Variants in ITGB3BP observed in about 807,000 individuals in gnomAD.
ITGB3BP encodes integrin subunit beta 3 binding protein.
A neutral mutation model predicts 29.1 loss-of-function variants in ITGB3BP; 27 were observed. That is an observed-to-expected ratio of 0.93 (90% CI 0.68 to 1.28). The LOEUF (loss-of-function observed/expected upper bound fraction) is 1.28. Among genes scored for constraint, ITGB3BP ranks in the 50% most tolerant of loss-of-function variants. The probability of loss-of-function intolerance (pLI) is 0.00; values close to 1 mark genes in which losing one functional copy is unlikely to be tolerated. For synonymous variants in ITGB3BP, 61 were observed against 61.4 expected (o/e 0.99, Z 0.03); for missense variants, 192 against 200.2 (o/e 0.96, Z 0.25).
At chr1:63,456,128 C>T (rs945911786) in intron 4 of ITGB3BP, among the ~76,000 whole-genome samples, 1 of 151,990 alleles carries the variant, frequency 6.6e-6, no homozygotes, top group East Asian at 1.9e-4. Context: ...TATTTAAATG[C>T]TTTTTCAAGA....
chr1:63,471,413 G>C (rs940909066), intron 4 of ITGB3BP, among the ~76,000 whole-genome samples: 5 of 151,614 alleles, frequency 3.3e-5, no homozygotes, highest in African/African-American at 9.7e-5. Context: ...CACCATGCCT[G>C]GCTATTTTTT....
intron 1 of ITGB3BP, chr1:63,510,015 C>T: frequency 2.0e-6 from 1 of 499,768 alleles, no homozygotes; most frequent in African/African-American, 2.0e-5. Context: ...ATGGTGAAAC[C>T]CTGTCTGTAC....
chr1:63,490,258 T>G (rs1645618389), intron 2 of ITGB3BP, 40 bp from the exon 3 acceptor site: 2 of 1,398,154 alleles, frequency 1.4e-6, no homozygotes, highest in Non-Finnish European at 2.0e-6. Context: ...ATAGCTATGT[T>G]TAGTTATAGA....
intron 7 of ITGB3BP, among the ~76,000 whole-genome samples, chr1:63,452,644 T>C (rs1644877730): frequency 1.6e-5 from 2 of 128,672 alleles, no homozygotes; most frequent in Non-Finnish European, 3.7e-5. Flanking sequence ...TTTTTTTTTT[T>C]TTTAAAAGAT....
chr1:63,515,559 G>T (rs1646296746), intron 1 of ITGB3BP, among the ~76,000 whole-genome samples: 1 of 152,034 alleles, frequency 6.6e-6, no homozygotes, highest in South Asian at 2.1e-4. Context: ...CAGGCACGAT[G>T]GTTCACGCCT....
At chr1:63,506,971 C>T (rs1300398138) in intron 2 of ITGB3BP, among the ~76,000 whole-genome samples, 1 of 152,162 alleles carries the variant, frequency 6.6e-6, no homozygotes, top group African/African-American at 2.4e-5. Flanking sequence ...AGCCAGGTTG[C>T]TTCAGGGCTA....
chr1:63,515,936 C>A (rs1361138334), intron 1 of ITGB3BP, among the ~76,000 whole-genome samples: 3 of 149,076 alleles, frequency 2.0e-5, no homozygotes, highest in Non-Finnish European at 3.0e-5. Context: ...TGTACTTGTA[C>A]ATTTATTGTA....
At chr1:63,452,454 G>C (rs568847857) in intron 7 of ITGB3BP, among the ~76,000 whole-genome samples, 1 of 152,258 alleles carries the variant, frequency 6.6e-6, no homozygotes, top group African/African-American at 2.4e-5. Context: ...ACTTAGGAGA[G>C]ATTGAAACCA....
At chr1:63,495,153 T>C (rs542964461) in intron 2 of ITGB3BP, among the ~76,000 whole-genome samples, 2 of 152,300 alleles carry the variant, frequency 1.3e-5, no homozygotes, top group African/African-American at 4.8e-5. Flanking sequence ...TGATCCTTCT[T>C]GGAATAAATT....
At position 63,441,016 on chromosome 1, in the gene ITGB3BP, T is replaced by A. The variant is rs986187799; in HGVS notation, c.*89A>T. The A allele has an allele frequency of 1.3e-5, 2 of 152,656 alleles. No individual in the cohort carries two copies. Among genetic ancestry groups the A allele is most frequent in the African/African-American group, 4.8e-5 (2 of 41,462 alleles). 9.5% of individuals were successfully genotyped at this position (152,656 alleles called of 1,614,324 possible). A position where few individuals can be genotyped will look rare whatever the true frequency, so the allele number is the denominator to read the frequency against. On this transcript the variant is annotated 3_prime_UTR_variant, in exon 9 of 9. Coordinates refer to ENST00000271002, the MANE Select transcript of ITGB3BP (RefSeq NM_014288.5). ...TACGAGCTGGTATTTACTGGGCAGA[T>A]TAATTACAAATATTTCTCTGTTCCT...
intron 4 of ITGB3BP, among the ~76,000 whole-genome samples, chr1:63,473,976 A>T (rs1241292026): frequency 3.6e-4 from 1 of 2,806 alleles, no homozygotes; most frequent in African/African-American, 4.0e-4. Flanking sequence ...AGGTGGGGGG[A>T]TCAGCCCCCC....
chr1:63,447,832 T>C (rs1471980050), intron 7 of ITGB3BP: 1 of 336,150 alleles, frequency 3.0e-6, no homozygotes, highest in Non-Finnish European at 5.9e-6. Context: ...TTACTGGGTA[T>C]ATACCCAAAG....
intron 3 of ITGB3BP, among the ~76,000 whole-genome samples, chr1:63,488,704 G>GAT (rs1454748244): frequency 2.6e-5 from 4 of 151,920 alleles, no homozygotes; most frequent in South Asian, 4.1e-4. Flanking sequence ...CTATATGTGA[G>GAT]ATATATATAT....
chr1:63,520,836 C>G (rs1455689185), intron 1 of ITGB3BP, among the ~76,000 whole-genome samples: 2 of 152,122 alleles, frequency 1.3e-5, no homozygotes, highest in Non-Finnish European at 2.9e-5. Flanking sequence ...TGCCTTTTAA[C>G]AATAATCTTA....
In ITGB3BP at chr1:63,475,348, G is replaced by A. The variant is rs568843925; in HGVS notation, c.254+3416C>T. 5.9e-5 allele frequency among the ~76,000 whole-genome samples: 9 copies of A among 152,270 alleles called. No homozygotes were observed. The East Asian group carries it at 1.5e-3, about 26-fold the overall frequency. On this transcript the variant is annotated intron_variant, in intron 4 of 8. Coordinates refer to ENST00000271002, the MANE Select transcript of ITGB3BP (RefSeq NM_014288.5). ...AGGCAAGAGGATCGCTTTAGCCCAG[G>A]AGTGCAAGTTCAGCCTGGGCAACAT...
chr1:63,455,493 G>C (rs1264746112), intron 4 of ITGB3BP, among the ~76,000 whole-genome samples: 1 of 151,772 alleles, frequency 6.6e-6, no homozygotes, highest in African/African-American at 2.4e-5. Flanking sequence ...TACCCAGGCT[G>C]AAGTGCAGTG....
intron 4 of ITGB3BP, among the ~76,000 whole-genome samples, chr1:63,475,612 C>A (rs1006737427): frequency 6.6e-6 from 1 of 152,054 alleles, no homozygotes; most frequent in Non-Finnish European, 1.5e-5. Flanking sequence ...TAAAAGAAAT[C>A]TAAACAAATG....
At chr1:63,448,376 A>G (rs1041669000) in intron 7 of ITGB3BP, among the ~76,000 whole-genome samples, 3 of 151,718 alleles carry the variant, frequency 2.0e-5, no homozygotes, top group Non-Finnish European at 4.4e-5. Context: ...AAAGGTAGCA[A>G]AGTGTTCTGG....
At chr1:63,512,203 T>G (rs2136925) in intron 1 of ITGB3BP, among the ~76,000 whole-genome samples, 111,377 of 151,878 alleles carry the variant, frequency 0.73, 42,914 homozygotes, top group Non-Finnish European at 0.85. Flanking sequence ...TAGAAAGCAT[T>G]TGACATGCAA....
Sources: allele counts gnomAD v4.1 joint callset (sites outside exome capture counted in the v4.1 genomes callset), GRCh38; gene constraint gnomAD v4.1.1; transcripts MANE v1.5; gene names NCBI Gene and HGNC (gene_info 2026-07-23, HGNC 2026-07-21).